Variants in MED23 observed in about 807,000 individuals in gnomAD.
MED23 encodes mediator complex subunit 23.
Under a neutral mutation model 163.9 loss-of-function variants are expected in MED23, and 105 were observed. That is an observed-to-expected ratio of 0.64 (90% CI 0.55 to 0.75). The LOEUF is 0.75. MED23 is among the 30% of genes least tolerant of loss of function. The probability of loss-of-function intolerance (pLI) is 0.00; values close to 1 mark genes in which losing one functional copy is unlikely to be tolerated. For missense variants in MED23, 1,054 were observed against 1,649.0 expected (o/e 0.64, Z 6.25); for synonymous variants, 561 against 565.6 (o/e 0.99, Z 0.12).
intron 13 of MED23, among the ~76,000 whole-genome samples, chr6:131,606,220 T>C (rs1006056390): frequency 6.6e-6 from 1 of 151,908 alleles, no homozygotes; most frequent in Non-Finnish European, 1.5e-5. Flanking sequence ...CTTTAAAGTA[T>C]AACATATACA....
At chr6:131,607,201 T>G (rs1775916850) in intron 12 of MED23, among the ~76,000 whole-genome samples, 3 of 151,106 alleles carry the variant, frequency 2.0e-5, no homozygotes, top group African/African-American at 7.3e-5. Context: ...TATAACATGG[T>G]GGGGTTACAG....
intron 18 of MED23, among the ~76,000 whole-genome samples, chr6:131,599,363 AAGG>A (rs1169516966): frequency 2.6e-5 from 4 of 152,170 alleles, no homozygotes; most frequent in African/African-American, 9.7e-5. Flanking sequence ...TTTTTCTGAA[AAGG>A]AGAAGACAGA....
At chr6:131,589,206 C>A (rs1483316188) in intron 28 of MED23, among the ~76,000 whole-genome samples, 1 of 152,020 alleles carries the variant, frequency 6.6e-6, no homozygotes, top group Non-Finnish European at 1.5e-5. Flanking sequence ...ATTAATTAAC[C>A]CTCTAGGTCT....
At chr6:131,619,952 G>T in intron 7 of MED23, 56 bp from the exon 8 acceptor site, 1 of 1,027,290 alleles carries the variant, frequency 9.7e-7, no homozygotes, top group South Asian at 1.3e-5. Context: ...GGAAAATTGA[G>T]ACTGCCCCTG....
downstream of MED23, among the ~76,000 whole-genome samples, chr6:131,584,905 G>A (rs574409098): frequency 2.4e-4 from 36 of 151,456 alleles, no homozygotes; most frequent in Non-Finnish European, 4.6e-4. Context: ...AGGCTAAGGC[G>A]GGAGGACTGC....
At position 131,628,158 on chromosome 6, in the gene MED23, T is replaced by C; in HGVS notation, c.-109A>G. 7.7e-7 allele frequency: 1 copy of C among 1,298,680 alleles called. No individual in the cohort carries two copies. Among genetic ancestry groups the C allele is most frequent in the Non-Finnish European group, 1.1e-6 (1 of 904,288 alleles). 80.4% of individuals were successfully genotyped at this position (1,298,680 alleles called of 1,614,324 possible). The stretch of plus-strand genomic sequence containing the variant: ...GGAGACCTCTGGAGGAAACCGTAGC[T>C]CCTCGGCGTCGCTTCCTCCCCCAGC... On this transcript the variant is annotated 5_prime_UTR_variant, in exon 1 of 29. Coordinates refer to ENST00000368068, the MANE Select transcript of MED23 (RefSeq NM_004830.4).
chr6:131,609,746 GTATATA>G (rs371814268), intron 11 of MED23, among the ~76,000 whole-genome samples: 2 of 139,970 alleles, frequency 1.4e-5, no homozygotes, highest in Middle Eastern at 3.7e-3. Flanking sequence ...ATATATATAT[GTATATA>G]TATATATATA....
chr6:131,618,063 A>G (rs1483485811), intron 9 of MED23, among the ~76,000 whole-genome samples: 1 of 152,232 alleles, frequency 6.6e-6, no homozygotes, highest in Non-Finnish European at 1.5e-5. Flanking sequence ...TTAAGAGTGT[A>G]GATTCTGGAA....
intron 9 of MED23, 93 bp downstream of exon 9, chr6:131,618,314 G>A (rs1158391815): frequency 1.2e-6 from 1 of 845,556 alleles, no homozygotes; most frequent in Non-Finnish European, 2.0e-6. Context: ...TACTTCTTCA[G>A]ATTATGAAGC....
In MED23 at chr6:131,587,863, C is replaced by T. The variant is rs1273008531; in HGVS notation, c.3940-17G>A. 31 of 1,597,518 alleles carry T rather than the reference C, an allele frequency of 1.9e-5. No homozygotes were observed. The highest frequency in any genetic ancestry group is 2.6e-5 in the Non-Finnish European group (30 of 1,168,320). On this transcript the variant is annotated splice_polypyrimidine_tract_variant and intron_variant, in intron 28 of 28. Coordinates refer to ENST00000368068, the MANE Select transcript of MED23 (RefSeq NM_004830.4). ...CTTCTCTACCTAAGAAATAAAAACA[C>T]ATTAAAACGTACTTTAATCAGAGAA...
chr6:131,615,349 A>G (rs1406508424), intron 10 of MED23: 1 of 1,611,472 alleles, frequency 6.2e-7, no homozygotes, highest in Non-Finnish European at 8.5e-7. Context: ...GGTCTAGAGC[A>G]TTGGAGGATG....
chr6:131,579,405 T>G, intron 30 of MED23: 3 of 1,238,308 alleles, frequency 2.4e-6, no homozygotes, highest in Non-Finnish European at 3.3e-6. Flanking sequence ...TATATCAAAT[T>G]TTCTGCCTTT....
At chr6:131,627,958 C>T in intron 1 of MED23, 53 bp downstream of exon 1, 2 of 1,612,188 alleles carry the variant, frequency 1.2e-6, no homozygotes, top group Non-Finnish European at 1.7e-6. Context: ...CGGCTGCCCC[C>T]GCGTCTCCCC....
At chr6:131,617,264 T>C (rs1234170956) in intron 9 of MED23, among the ~76,000 whole-genome samples, 1 of 151,596 alleles carries the variant, frequency 6.6e-6, no homozygotes, top group African/African-American at 2.4e-5. Flanking sequence ...ATAGAGTCAA[T>C]GAAAGTTTTT....
At chr6:131,584,363 AACACAC>A (rs3138772), downstream of MED23, 923 of 158,400 alleles carry the variant, frequency 5.8e-3, 8 homozygotes, top group African/African-American at 0.021. Context: ...AAATACATGC[AACACAC>A]ACACACACAC....
At chr6:131,617,089 T>C (rs1776748543) in intron 9 of MED23, among the ~76,000 whole-genome samples, 1 of 149,648 alleles carries the variant, frequency 6.7e-6, no homozygotes, top group African/African-American at 2.4e-5. Context: ...TTAAAAATAT[T>C]AATTTATATT....
chr6:131,601,507 T>C (rs1166945234), intron 17 of MED23, among the ~76,000 whole-genome samples: 5 of 152,220 alleles, frequency 3.3e-5, no homozygotes, highest in African/African-American at 1.2e-4. Flanking sequence ...TTGGATTCCA[T>C]ATTGCAGCTA....
In MED23 at chr6:131,618,438, A is replaced by AAACG; in HGVS notation, c.745_748dup (p.Phe250SerfsTer11). On this transcript the variant is annotated frameshift_variant, in exon 9 of 29. Coordinates refer to ENST00000368068, the MANE Select transcript of MED23 (RefSeq NM_004830.4). LOFTEE classifies it high-confidence loss of function. ...ATATGGCAAAAGGCCTTTCAAAGGA[A>AAACG]AACGAAGAGTAGCAGGATCCAGTTT... 3 of 1,614,024 alleles carry AAACG rather than the reference A, an allele frequency of 1.9e-6. No homozygotes were observed. Among genetic ancestry groups the AAACG allele is most frequent in the Non-Finnish European group, 2.5e-6 (3 of 1,179,918 alleles).
rs1337382441 is a variant in MED23, at chr6:131,591,308, C to A, written c.3686+5G>T. On this transcript the variant is annotated splice_donor_5th_base_variant and intron_variant, in intron 26 of 28. Coordinates refer to ENST00000368068, the MANE Select transcript of MED23 (RefSeq NM_004830.4). Reference sequence around the variant, plus strand: ...CAAATTTCTTTAAGAAATTATTATACTTACTTTGGAATGAGAGAAAGTTGT... The same window carrying A: ...CAAATTTCTTTAAGAAATTATTATAATTACTTTGGAATGAGAGAAAGTTGT... 2 of 1,603,302 alleles carry A rather than the reference C, an allele frequency of 1.2e-6. No homozygotes were observed. The highest frequency in any genetic ancestry group is 1.7e-6 in the Non-Finnish European group (2 of 1,170,374).
Sources: gnomAD v4.1 joint callset for allele counts (sites outside exome capture counted in the v4.1 genomes callset) on GRCh38, gnomAD v4.1.1 for gene constraint, MANE v1.5 for transcripts, NCBI Gene and HGNC (gene_info 2026-07-23, HGNC 2026-07-21) for gene names.